SLC26A11: variants seen among roughly 807,000 people sequenced by gnomAD.
SLC26A11 encodes the protein solute carrier family 26 member 11.
Under a neutral mutation model 62.2 loss-of-function variants are expected in SLC26A11, and 58 were observed. The observed-to-expected ratio is 0.93, with a 90% CI of 0.76 to 1.16. SLC26A11 has a LOEUF of 1.16. SLC26A11 is among the 50% of genes most tolerant of loss of function. SLC26A11 has a pLI of 0.00. For missense variants in SLC26A11, 790 were observed against 794.3 expected, an observed-to-expected ratio of 0.99 and a Z score of 0.06; for synonymous variants, 411 against 368.9, an observed-to-expected ratio of 1.11 and a Z score of -1.31.
In SLC26A11 at chr17:80,223,058, C is replaced by A; in HGVS notation, c.428-194C>A. ...GAGGCCAGGACACTTGGAGAAGTGCCTGTGGCCTCAGACCCCAGTCTCCCT... is the reference window on the plus strand; with the variant it reads ...GAGGCCAGGACACTTGGAGAAGTGCATGTGGCCTCAGACCCCAGTCTCCCT... On this transcript the variant is annotated intron_variant, in intron 4 of 17. Coordinates refer to ENST00000361193, the MANE Select transcript of SLC26A11 (RefSeq NM_001166347.2). The surrounding 1 kb of genome is among the most constrained non-coding windows in gnomAD (Gnocchi z 4.6). 1.4e-6 allele frequency: 1 copy of A among 725,638 alleles called. No homozygotes were observed. 44.9% of individuals were successfully genotyped at this position (725,638 alleles called of 1,614,324 possible). A position where few individuals can be genotyped will look rare whatever the true frequency, so the allele number is the denominator to read the frequency against.
At position 80,223,424 on chromosome 17, in the gene SLC26A11, G is replaced by C; in HGVS notation, c.513+87G>C. The C allele has an allele frequency of 7.9e-7, 1 of 1,261,716 alleles. No individual in the cohort carries two copies. The highest frequency in any genetic ancestry group is 1.1e-6 in the Non-Finnish European group (1 of 877,392). The allele number at this position is 1,261,716 out of a possible 1,614,324, so 78.2% of individuals were successfully genotyped here. On this transcript the variant is annotated intron_variant, in intron 5 of 17. Transcript: ENST00000361193. This position sits in a 1 kb window ranked among gnomAD's most constrained non-coding sequence, Gnocchi z 4.6. Reference sequence around the variant, plus strand: ...CGGGAGCAGGACTGAGGCCAGTCCTGATCCCTGTGGCCAGTGGACGTCTTG... The same window carrying C: ...CGGGAGCAGGACTGAGGCCAGTCCTCATCCCTGTGGCCAGTGGACGTCTTG...
chr17:80,237,353 T>C, intron 8 of SLC26A11, 169 bp from the exon 9 acceptor site: 2 of 753,974 alleles, frequency 2.7e-6, no homozygotes, highest in Non-Finnish European at 4.3e-6. Flanking sequence ...GAATTTACCG[T>C]GTTCCTCCCA....
intron 10 of SLC26A11, among the ~76,000 whole-genome samples, chr17:80,243,939 C>A (rs2042928805): frequency 1.3e-5 from 2 of 152,224 alleles, no homozygotes; most frequent in African/African-American, 4.8e-5. Flanking sequence ...GTCCCCAGCC[C>A]AAGCTGCTGT....
Position 80,248,273 on chromosome 17 carries a change from C to T in SLC26A11, c.1422+16C>T, listed in dbSNP as rs1228829820. ...TGAGACCAAGGTACCCCTCCGTGGC[C>T]TCTGAGTGGGGAGTGTGCTGGGGGC... On this transcript the variant is annotated intron_variant, in intron 14 of 17. Coordinates refer to ENST00000361193, the MANE Select transcript of SLC26A11 (RefSeq NM_001166347.2). The T allele has an allele frequency of 3.7e-6, 6 of 1,602,892 alleles. No homozygotes were observed. Among genetic ancestry groups the T allele is most frequent in the Admixed American group, 1.7e-5 (1 of 59,182 alleles).
chr17:80,248,211 T>G lies in SLC26A11; in HGVS notation c.1376T>G (p.Val459Gly), dbSNP rs573226135. ...VQYGILAGAL[V>G]SLLMLLHSAA... ...TACGGCATCCTGGCCGGGGCCCTGG[T>G]GTCTCTGCTCATGCTCCTGCACTCT... Residue 459 changes from valine (V) to glycine (G), a missense_variant, in exon 14 of 18, where the codon GTG (valine) becomes GGG (glycine). Val to Gly is a moderately radical substitution (Grantham distance 109, BLOSUM62 -3). Transcript: ENST00000361193. 3 of 1,609,744 alleles carry G rather than the reference T, an allele frequency of 1.9e-6. No individual in the cohort carries two copies. Among genetic ancestry groups the G allele is most frequent in the Admixed American group, 1.7e-5 (1 of 59,898 alleles).
chr17:80,251,589 C>T (rs916632731), intron 17 of SLC26A11, among the ~76,000 whole-genome samples, 188 bp downstream of exon 17: 2 of 152,024 alleles, frequency 1.3e-5, no homozygotes, highest in Admixed American at 6.6e-5. Flanking sequence ...ATGGTAAAAC[C>T]TCATCAGTAC....
intron 10 of SLC26A11, among the ~76,000 whole-genome samples, chr17:80,242,529 T>A (rs77616342): frequency 0.22 from 33,041 of 152,106 alleles, 4,364 homozygotes; most frequent in East Asian, 0.35. Flanking sequence ...GTCTTCTGAT[T>A]GTGCCCGCAC....
chr17:80,222,783 C>T lies in SLC26A11; in HGVS notation c.363C>T (p.Ala121=). The T allele has an allele frequency of 6.2e-7, 1 of 1,614,226 alleles. No homozygotes were observed. Among genetic ancestry groups the T allele is most frequent in the Non-Finnish European group, 8.5e-7 (1 of 1,180,052 alleles). ...CCTTCTACACCTTCCATGAGCCCGC[C>T]TACGCTGTGCTGCTGGCCTTCCTGT... ...LVSFYTFHEP[A]YAVLLAFLSG... Residue 121 remains alanine, a synonymous_variant, in exon 4 of 18, where the codon GCC becomes GCT. Coordinates refer to ENST00000361193, the MANE Select transcript of SLC26A11 (RefSeq NM_001166347.2). The surrounding 1 kb of genome is among the most constrained non-coding windows in gnomAD (Gnocchi z 4.7).
In SLC26A11 at chr17:80,248,268, G is replaced by C. The variant is rs755439653; in HGVS notation, c.1422+11G>C. 3 of 1,604,300 alleles carry C rather than the reference G, an allele frequency of 1.9e-6. No homozygotes were observed. The highest frequency in any genetic ancestry group is 2.5e-6 in the Non-Finnish European group (3 of 1,177,230). On this transcript the variant is annotated intron_variant, in intron 14 of 17. Transcript: ENST00000361193. ...AGGCCTGAGACCAAGGTACCCCTCC[G>C]TGGCCTCTGAGTGGGGAGTGTGCTG...
rs111348322 is a variant in SLC26A11, at chr17:80,239,673, G to A, written c.985+2079G>A. The stretch of plus-strand genomic sequence containing the variant: ...ATTACAGGCGTGAGCCACTGTGCCC[G>A]GCCGTAATTTTTTAATTGTAGAGAC... On this transcript the variant is annotated intron_variant, in intron 9 of 17. Coordinates refer to ENST00000361193, the MANE Select transcript of SLC26A11 (RefSeq NM_001166347.2). 8.6e-3 allele frequency among the ~76,000 whole-genome samples: 1,307 copies of A among 152,194 alleles called. 13 individuals carry two copies. The highest frequency in any genetic ancestry group is 0.029 in the African/African-American group (1,195 of 41,522).
rs1414537752 is a variant in SLC26A11 at position 80,246,125 on chromosome 17, T to G, written c.1098-29T>G. 1 of 1,613,054 alleles carries G rather than the reference T, an allele frequency of 6.2e-7. No homozygotes were observed. Among genetic ancestry groups the G allele is most frequent in the Admixed American group, 1.7e-5 (1 of 60,020 alleles). The stretch of plus-strand genomic sequence containing the variant: ...AGGTCTCCCTTTTCCCGGCCCCTGG[T>G]GACTGACGGTCTCTGTGTTGCCTTC... On this transcript the variant is annotated intron_variant, in intron 11 of 17. Coordinates refer to ENST00000361193, the MANE Select transcript of SLC26A11 (RefSeq NM_001166347.2). The surrounding 1 kb of genome is among the most constrained non-coding windows in gnomAD (Gnocchi z 4.4).
rs371729311 is a variant in SLC26A11, at chr17:80,246,224, C to G, written c.1153+15C>G. 2 of 1,606,298 alleles carry G rather than the reference C, an allele frequency of 1.2e-6. No homozygotes were observed. Among genetic ancestry groups the G allele is most frequent in the East Asian group, 4.5e-5 (2 of 44,848 alleles). On this transcript the variant is annotated intron_variant, in intron 12 of 17. Transcript: ENST00000361193. The surrounding 1 kb of genome is among the most constrained non-coding windows in gnomAD (Gnocchi z 4.4). The stretch of plus-strand genomic sequence containing the variant: ...CCTGGTGACGGGTAAGGCCCCCCAT[C>G]TTCCCCTTGTGCCCGCAGCCCTGAG...
At position 80,220,996 on chromosome 17, in the gene SLC26A11, A is replaced by G. The variant is rs1465550677; in HGVS notation, c.-133A>G. On this transcript the variant is annotated 5_prime_UTR_variant, in exon 2 of 18. Coordinates refer to ENST00000361193, the MANE Select transcript of SLC26A11 (RefSeq NM_001166347.2). ...GGCCTCAGGAGCGGAGGACCCCCCC[A>G]CTCTCCCTCGAGCGCCGCAGTCCAC... The G allele has an allele frequency of 6.9e-6, 1 of 144,192 alleles. No individual in the cohort carries two copies. The highest frequency in any genetic ancestry group is 1.5e-5 in the Non-Finnish European group (1 of 64,986). 8.9% of individuals were successfully genotyped at this position (144,192 alleles called of 1,614,324 possible).
chr17:80,246,032 C>T lies in SLC26A11; in HGVS notation c.1098-122C>T, dbSNP rs901305536. 15 of 1,229,282 alleles carry T rather than the reference C, an allele frequency of 1.2e-5. No homozygotes were observed. The highest frequency in any genetic ancestry group is 7.4e-5 in the African/African-American group (5 of 67,772). The allele number at this position is 1,229,282 out of a possible 1,614,324, so 76.1% of individuals were successfully genotyped here. A position where few individuals can be genotyped will look rare whatever the true frequency, so the allele number is the denominator to read the frequency against. On this transcript the variant is annotated intron_variant, in intron 11 of 17. Transcript: ENST00000361193. This position sits in a 1 kb window ranked among gnomAD's most constrained non-coding sequence, Gnocchi z 4.4. ...TTTGCCTCGGTCCCCTTGCAGTCCC[C>T]GCCTGCTTCCCAAGCCGTGCTGGGA...
chr17:80,225,994 TC>T, intron 6 of SLC26A11, 78 bp downstream of exon 6: 1 of 1,347,122 alleles, frequency 7.4e-7, no homozygotes. Context: ...CACCTCAGTT[TC>T]CCCACCCCTG....
At position 80,224,280 on chromosome 17, in the gene SLC26A11, C is replaced by T. The variant is rs28458296; in HGVS notation, c.513+943C>T. Among the ~76,000 whole-genome samples the T allele has an allele frequency of 2.4e-3, 331 of 140,842 alleles. 1 individual carries two copies. Among genetic ancestry groups the T allele is most frequent in the African/African-American group, 6.8e-3 (244 of 36,088 alleles). 92.4% of individuals were successfully genotyped at this position (140,842 alleles called of 152,430 possible). On this transcript the variant is annotated intron_variant, in intron 5 of 17. Transcript: ENST00000361193. ...GAGTGTGTGCGTGTGTGAGTGAGTG[C>T]GTGTGTGAGTGAGTGTGCGTGTGTG...
Position 80,248,262 on chromosome 17 carries a change from C to A in SLC26A11, c.1422+5C>A. On this transcript the variant is annotated splice_donor_5th_base_variant and intron_variant, in intron 14 of 17. Transcript: ENST00000361193. ...GCAGCCAGGCCTGAGACCAAGGTAC[C>A]CCTCCGTGGCCTCTGAGTGGGGAGT... The A allele has an allele frequency of 6.2e-7, 1 of 1,606,064 alleles. No homozygotes were observed.
At chr17:80,225,663 C>T (rs370316113) in intron 5 of SLC26A11, 174 bp from the exon 6 acceptor site, 27 of 620,128 alleles carry the variant, frequency 4.4e-5, no homozygotes, top group African/African-American at 3.8e-4. Context: ...CCCTAGGGGG[C>T]GTTGGGAGTG....
chr17:80,223,612 C>T lies in SLC26A11; in HGVS notation c.513+275C>T, dbSNP rs1397507130. On this transcript the variant is annotated intron_variant, in intron 5 of 17. Transcript: ENST00000361193. The surrounding 1 kb of genome is among the most constrained non-coding windows in gnomAD (Gnocchi z 4.6). ...ATCCCCCTGCTCTTGCCCGAGTTTC[C>T]GTGCCAGTGTGCTTGGCTGGCTCTG... Among the ~76,000 whole-genome samples the T allele has an allele frequency of 6.6e-6, 1 of 152,174 alleles. No homozygotes were observed. The highest frequency in any genetic ancestry group is 2.4e-5 in the African/African-American group (1 of 41,436).
Sources: gnomAD v4.1 joint callset for allele counts (sites outside exome capture counted in the v4.1 genomes callset) on GRCh38, gnomAD v4.1.1 for gene constraint, Gnocchi (gnomAD v3.1) non-coding constraint, MANE v1.5 for transcripts, NCBI Gene and HGNC (gene_info 2026-07-23, HGNC 2026-07-21) for gene names.